Variants in SHISA9 observed in about 807,000 individuals in gnomAD.
The protein encoded by SHISA9 is protein shisa-9.
In SHISA9, 13 loss-of-function variants were observed where a neutral mutation model predicts 38.0. The observed-to-expected ratio is 0.34, with a 90% CI of 0.22 to 0.54. SHISA9 has a LOEUF of 0.54. SHISA9 is among the 20% of genes least tolerant of loss of function. The pLI is 0.91. For missense variants in SHISA9, 538 were observed against 575.8 expected (o/e 0.93, Z 0.67); for synonymous variants, 275 against 242.0 (o/e 1.14, Z -1.27).
the SHISA9 span, among the ~76,000 whole-genome samples, chr16:13,309,427 G>C: frequency 6.6e-6 from 1 of 151,940 alleles, no homozygotes; most frequent in Non-Finnish European, 1.5e-5. Flanking sequence ...TAGATCACCC[G>C]AGGTCAGAAG....
At chr16:13,252,396 G>T in the SHISA9 span, among the ~76,000 whole-genome samples, 3 of 152,186 alleles carry the variant, frequency 2.0e-5, no homozygotes, top group Admixed American at 6.5e-5. Flanking sequence ...AGAGGCCAAG[G>T]ATGCTGCTAA....
the SHISA9 span, among the ~76,000 whole-genome samples, chr16:13,385,225 T>C: frequency 1.3e-5 from 2 of 152,238 alleles, no homozygotes; most frequent in Non-Finnish European, 2.9e-5. Context: ...GTACAGCCAC[T>C]CTGGAAAACA....
At chr16:13,118,174 T>G (rs541322572) in intron 2 of SHISA9, among the ~76,000 whole-genome samples, 1 of 145,658 alleles carries the variant, frequency 6.9e-6, no homozygotes, top group East Asian at 2.0e-4. Context: ...AGAGCGAGAC[T>G]TCGTCTAAAA....
intron 2 of SHISA9, among the ~76,000 whole-genome samples, chr16:13,097,087 T>C (rs1322689649): frequency 2.6e-5 from 4 of 152,196 alleles, no homozygotes; most frequent in Non-Finnish European, 1.5e-5. Context: ...GGCTTAGGTA[T>C]ATAATCAACA....
chr16:13,550,888 C>T, the SHISA9 span, among the ~76,000 whole-genome samples: 2 of 151,998 alleles, frequency 1.3e-5, no homozygotes, highest in Admixed American at 6.6e-5. Context: ...CTTTGGGAGG[C>T]CAACGTGGGC....
chr16:13,112,987 A>G (rs766348270), intron 2 of SHISA9, among the ~76,000 whole-genome samples: 1 of 152,080 alleles, frequency 6.6e-6, no homozygotes, highest in Non-Finnish European at 1.5e-5. Context: ...AGGCAGGCAG[A>G]TCACTTGACG....
chr16:12,979,355 G>T (rs2072210258), intron 2 of SHISA9, among the ~76,000 whole-genome samples: 1 of 149,956 alleles, frequency 6.7e-6, no homozygotes, highest in Non-Finnish European at 1.5e-5. Context: ...TATGAGTCTT[G>T]GTTTATGACA....
chr16:13,363,711 G>T, the SHISA9 span, among the ~76,000 whole-genome samples: 1 of 152,220 alleles, frequency 6.6e-6, no homozygotes, highest in African/African-American at 2.4e-5. Context: ...TATCATCTGT[G>T]CTGAACCTAG....
At chr16:13,213,214 AAAC>A (rs1391204602) in intron 3 of SHISA9, 36 bp from the exon 4 acceptor site, 3 of 1,546,812 alleles carry the variant, frequency 1.9e-6, no homozygotes, top group Non-Finnish European at 2.6e-6. Flanking sequence ...GGTGCCCTGC[AAAC>A]AGATCATCAG....
intron 2 of SHISA9, among the ~76,000 whole-genome samples, chr16:13,048,153 T>A (rs1274953947): frequency 1.3e-5 from 2 of 152,232 alleles, no homozygotes; most frequent in African/African-American, 4.8e-5. Flanking sequence ...ACTTCAACAT[T>A]TGCACAGCGT....
At chr16:13,082,275 C>T (rs1357987556) in intron 2 of SHISA9, 2 of 152,118 alleles carry the variant, frequency 1.3e-5, no homozygotes, top group South Asian at 2.1e-4. Context: ...ATAATTTATG[C>T]AACTTATTGA....
chr16:13,315,565 C>T, the SHISA9 span, among the ~76,000 whole-genome samples: 1 of 152,166 alleles, frequency 6.6e-6, no homozygotes, highest in Non-Finnish European at 1.5e-5. Flanking sequence ...AACAGACTTC[C>T]ATTGTCTAGC....
chr16:13,249,151 T>C, the SHISA9 span, among the ~76,000 whole-genome samples: 1 of 152,178 alleles, frequency 6.6e-6, no homozygotes, highest in South Asian at 2.1e-4. Context: ...TGAAGCACCA[T>C]GTTGGTTATA....
chr16:12,952,027 AGGCAGTGTCT>A (rs1238964305), intron 2 of SHISA9, among the ~76,000 whole-genome samples: 1 of 152,246 alleles, frequency 6.6e-6, no homozygotes, highest in African/African-American at 2.4e-5. Flanking sequence ...TGGAAGGCGG[AGGCAGTGTCT>A]AGGGACTTAA....
At chr16:13,361,695 C>T in the SHISA9 span, among the ~76,000 whole-genome samples, 1 of 152,202 alleles carries the variant, frequency 6.6e-6, no homozygotes, top group African/African-American at 2.4e-5. Flanking sequence ...ACCTGCACGT[C>T]TTCAAAGGCA....
At chr16:13,221,564 C>G (rs1208935355) in intron 4 of SHISA9, among the ~76,000 whole-genome samples, 1 of 151,118 alleles carries the variant, frequency 6.6e-6, no homozygotes, top group Non-Finnish European at 1.5e-5. Context: ...TTTTACGGTA[C>G]TAAAATGTCC....
the SHISA9 span, among the ~76,000 whole-genome samples, chr16:13,502,308 G>A: frequency 2.0e-5 from 3 of 152,098 alleles, no homozygotes; most frequent in African/African-American, 7.2e-5. Flanking sequence ...TATCATGCAG[G>A]ATCCCACACT....
At chr16:13,513,066 A>C in the SHISA9 span, among the ~76,000 whole-genome samples, 1 of 152,224 alleles carries the variant, frequency 6.6e-6, no homozygotes, top group Admixed American at 6.5e-5. Context: ...ATCAGAGTGA[A>C]TAGGCAACCT....
intron 2 of SHISA9, among the ~76,000 whole-genome samples, chr16:13,070,060 C>T: frequency 6.6e-6 from 1 of 151,784 alleles, no homozygotes; most frequent in East Asian, 2.0e-4. Flanking sequence ...AATTTGGGGG[C>T]TTCCATTTTA....
Sources: allele counts gnomAD v4.1 joint callset (sites outside exome capture counted in the v4.1 genomes callset), GRCh38; gene constraint gnomAD v4.1.1; transcripts MANE v1.5; gene names NCBI Gene and HGNC (gene_info 2026-07-23, HGNC 2026-07-21).